Variants in BSG observed in about 807,000 individuals in gnomAD.
BSG encodes basigin (Ok blood group).
Under a neutral mutation model 43.1 loss-of-function variants are expected in BSG, and 37 were observed. That is an observed-to-expected ratio of 0.86 (90% CI 0.66 to 1.13). The LOEUF (loss-of-function observed/expected upper bound fraction) is 1.13, where lower values mean the gene tolerates loss of function less well. Among genes scored for constraint, BSG ranks in the 50% most tolerant of loss-of-function variants. The probability of loss-of-function intolerance (pLI) is 0.00; values close to 1 mark genes in which losing one functional copy is unlikely to be tolerated. For synonymous variants in BSG, 309 were observed against 238.7 expected (o/e 1.29, Z -2.72); for missense variants, 599 against 554.2 (o/e 1.08, Z -0.81).
At chr19:575,369 G>A (rs1981672138) in intron 1 of BSG, 1 of 152,378 alleles carries the variant, frequency 6.6e-6, no homozygotes, top group Non-Finnish European at 1.5e-5. Flanking sequence ...GCGGGTTGGT[G>A]GGGCACAGCC....
At chr19:580,623 C>T (rs1568353021) in intron 4 of BSG, 23 bp from the exon 5 acceptor site, 2 of 1,612,444 alleles carry the variant, frequency 1.2e-6, no homozygotes, top group East Asian at 2.2e-5. Context: ...GTTCCAGGCT[C>T]CTCTCTCTCA....
intron 1 of BSG, 91 bp from the exon 2 acceptor site, chr19:577,683 G>C: frequency 8.9e-7 from 1 of 1,118,576 alleles, no homozygotes; most frequent in Non-Finnish European, 1.2e-6. Flanking sequence ...ACCAGCCCTG[G>C]CTGGGAGTCC....
At chr19:579,367 G>A (rs762183849) in intron 2 of BSG, 133 bp from the exon 3 acceptor site, 5 of 1,272,342 alleles carry the variant, frequency 3.9e-6, no homozygotes, top group African/African-American at 1.5e-5. Context: ...TCCTCGGGGC[G>A]TAAGGGCCAC....
At chr19:579,303 G>A (rs966830339) in intron 2 of BSG, 197 bp from the exon 3 acceptor site, 20 of 762,870 alleles carry the variant, frequency 2.6e-5, no homozygotes, top group East Asian at 1.4e-4. Flanking sequence ...CTCAGCAGGC[G>A]CTGGGCTCTT....
Position 581,461 on chromosome 19 carries a change from C to G in BSG, c.939C>G (p.Ile313Met). The change falls in exon 6 of 9, where the codon ATC (isoleucine) becomes ATG (methionine). Residue 313 changes from isoleucine (I) to methionine (M), a missense_variant. By Grantham distance (10) the Ile-to-Met change is conservative. Coordinates refer to ENST00000333511, the MANE Select transcript of BSG (RefSeq NM_001728.4). ...GTSSKGSDQA[I>M]ITLRVRSHLA... ...GCTCCAAGGGCTCCGACCAGGCCAT[C>G]ATCACGCTCCGCGTGCGCAGCCACC... The G allele has an allele frequency of 6.2e-7, 1 of 1,611,104 alleles. No homozygotes were observed. The highest frequency in any genetic ancestry group is 8.5e-7 in the Non-Finnish European group (1 of 1,179,268).
At chr19:576,412 T>C (rs755103646) in intron 1 of BSG, among the ~76,000 whole-genome samples, 8 of 152,220 alleles carry the variant, frequency 5.3e-5, no homozygotes, top group South Asian at 2.1e-4. Flanking sequence ...TGTTGCAGTC[T>C]GGGAAATCTT....
At chr19:578,720 G>C (rs1026868541) in intron 2 of BSG, 1 of 288,242 alleles carries the variant, frequency 3.5e-6, no homozygotes, top group Admixed American at 5.0e-5. Context: ...GCCTTGGCCG[G>C]GGGTGCTGTG....
Position 578,091 on chromosome 19 carries a change from C to A in BSG, c.385C>A (p.Arg129Ser), listed in dbSNP as rs756870064. The change falls in exon 2 of 9, where the codon CGC becomes AGC. Residue 129 changes from arginine (R) to serine (S), a missense_variant. Transcript: ENST00000333511. ...CCGGGCGCCCAGGGTCAAGTGGGTC[C>A]GCGCCCAGGCAGTCGTGCTAGTCCT... is the stretch of plus-strand genomic sequence containing the variant. ...LTRAPRVKWV[R>S]AQAVVLVLEP... The A allele has an allele frequency of 1.3e-6, 2 of 1,593,796 alleles. No individual in the cohort carries two copies. Among genetic ancestry groups the A allele is most frequent in the Admixed American group, 1.7e-5 (1 of 58,682 alleles).
rs1160173303 is a variant in BSG at position 581,500 on chromosome 19, G to A, written c.978G>A (p.Trp326Ter). 2 of 1,598,792 alleles carry A rather than the reference G, an allele frequency of 1.3e-6. No individual in the cohort carries two copies. The highest frequency in any genetic ancestry group is 1.7e-6 in the Non-Finnish European group (2 of 1,173,404). ...TGCGCAGCCACCTGGCCGCCCTCTG[G>A]CCCTTCCTGGGCATCGTGGCTGAGG... ...LRVRSHLAAL[W>*]PFLGIVAEVL... Residue 326 changes from tryptophan (W) to a stop codon, truncating the protein, a stop_gained, in exon 6 of 9, where the codon TGG becomes TGA. Transcript: ENST00000333511. LOFTEE classifies it high-confidence loss of function.
intron 2 of BSG, 40 bp from the exon 3 acceptor site, chr19:579,460 C>T (rs756617307): frequency 6.2e-7 from 1 of 1,609,992 alleles, no homozygotes; most frequent in Non-Finnish European, 8.5e-7. Context: ...GCGGGCCGTG[C>T]TCCTCCACTC....
At chr19:572,725 G>T in intron 1 of BSG, 24 bp downstream of exon 1, 2 of 1,461,506 alleles carry the variant, frequency 1.4e-6, no homozygotes, top group Non-Finnish European at 9.1e-7. Flanking sequence ...AGGGGGCGGG[G>T]GTGCGGTCCT....
In BSG at chr19:581,401, G is replaced by A. The variant is rs1568354121; in HGVS notation, c.879G>A (p.Glu293=). 1 of 1,612,800 alleles carries A rather than the reference G, an allele frequency of 6.2e-7. No homozygotes were observed. The highest frequency in any genetic ancestry group is 2.2e-5 in the East Asian group (1 of 44,886). Residue 293 remains glutamate, a synonymous_variant, in exon 6 of 9, where the codon GAG becomes GAA. Coordinates refer to ENST00000333511, the MANE Select transcript of BSG (RefSeq NM_001728.4). The part of the protein sequence containing the change: ...SELHIENLNM[E]ADPGQYRCNG... ...TACACATTGAGAACCTGAACATGGA[G>A]GCCGACCCCGGCCAGTACCGGTGCA...
upstream of BSG, chr19:571,322 G>A (rs1032505482): frequency 1.7e-6 from 1 of 587,912 alleles, no homozygotes; most frequent in Non-Finnish European, 3.0e-6. Flanking sequence ...TTAGCCCTTC[G>A]CGTTCGGCTT....
intron 1 of BSG, 88 bp from the exon 2 acceptor site, chr19:577,686 G>T: frequency 8.8e-7 from 1 of 1,134,592 alleles, no homozygotes; most frequent in Non-Finnish European, 1.1e-6. Context: ...AGCCCTGGCT[G>T]GGAGTCCTGT....
Position 579,513 on chromosome 19 carries a change from C to T in BSG, c.429C>T (p.Phe143=). 6.2e-7 allele frequency: 1 copy of T among 1,612,696 alleles called. No individual in the cohort carries two copies. Among genetic ancestry groups the T allele is most frequent in the Non-Finnish European group, 8.5e-7 (1 of 1,179,930 alleles). ...CGGGCCTTGCAGCCGGCACAGTCTT[C>T]ACTACCGTAGAAGACCTTGGCTCCA... The part of the protein sequence containing the change: ...VVLVLEPGTV[F]TTVEDLGSKI... The change falls in exon 3 of 9, where the codon TTC becomes TTT. Residue 143 remains phenylalanine (F), a synonymous_variant. Transcript: ENST00000333511.
At chr19:571,655 A>G, upstream of BSG, 1 of 771,418 alleles carries the variant, frequency 1.3e-6, no homozygotes, top group Non-Finnish European at 2.4e-6. Flanking sequence ...TCCCGCAAAG[A>G]GAAACCAGCA....
intron 1 of BSG, among the ~76,000 whole-genome samples, chr19:576,931 A>G (rs945734186): frequency 2.7e-5 from 4 of 149,902 alleles, no homozygotes; most frequent in Admixed American, 2.6e-4. Context: ...GCACGTGTGT[A>G]TGTGTTGTGT....
At position 582,848 on chromosome 19, in the gene BSG, A is replaced by C. The variant is rs1063378; in HGVS notation, c.*104A>C. On this transcript the variant is annotated 3_prime_UTR_variant, in exon 9 of 9. Transcript: ENST00000333511. The stretch of plus-strand genomic sequence containing the variant: ...AGTTCTCACCTCTTAAAGAAAACCC[A>C]CCCCGTAGATTCCCATCATACACTT... 1.9e-6 allele frequency: 1 copy of C among 530,590 alleles called. No individual in the cohort carries two copies. The highest frequency in any genetic ancestry group is 3.3e-6 in the Non-Finnish European group (1 of 299,740). The allele number at this position is 530,590 out of a possible 1,614,324, so 32.9% of individuals were successfully genotyped here.
Position 579,504 on chromosome 19 carries a change from C to T in BSG, c.420C>T (p.Gly140=). 1 of 1,612,640 alleles carries T rather than the reference C, an allele frequency of 6.2e-7. No individual in the cohort carries two copies. Among genetic ancestry groups the T allele is most frequent in the Non-Finnish European group, 8.5e-7 (1 of 1,179,910 alleles). ...GCGTCTCGCCGGGCCTTGCAGCCGG[C>T]ACAGTCTTCACTACCGTAGAAGACC... ...AQAVVLVLEP[G]TVFTTVEDLG... The change falls in exon 3 of 9, where the codon GGC becomes GGT. Residue 140 remains glycine, a synonymous_variant. Coordinates refer to ENST00000333511, the MANE Select transcript of BSG (RefSeq NM_001728.4).
Sources: gnomAD v4.1 joint callset for allele counts (sites outside exome capture counted in the v4.1 genomes callset) on GRCh38, gnomAD v4.1.1 for gene constraint, MANE v1.5 for transcripts, NCBI Gene and HGNC (gene_info 2026-07-23, HGNC 2026-07-21) for gene names.